Variants in CERKL observed in about 807,000 individuals in gnomAD.
CERKL encodes ceramide kinase-like protein.
Under a neutral mutation model 63.4 loss-of-function variants are expected in CERKL, and 61 were observed. The observed-to-expected ratio is 0.96, with a 90% confidence interval of 0.78 to 1.19. CERKL has a LOEUF of 1.19. Ranked by LOEUF, CERKL falls within the 50% of genes most tolerant of loss-of-function variation. CERKL has a pLI of 0.00. For synonymous variants in CERKL, 250 were observed against 230.5 expected (o/e 1.08, Z -0.77); for missense variants, 675 against 655.5 (o/e 1.03, Z -0.33).
At chr2:181,560,880 TAAC>T (rs1688410822) in intron 4 of CERKL, among the ~76,000 whole-genome samples, 2 of 152,180 alleles carry the variant, frequency 1.3e-5, no homozygotes, top group South Asian at 4.1e-4. Flanking sequence ...TTATTTATGT[TAAC>T]AACTATTCAA....
chr2:181,613,565 T>G (rs1032974318), intron 1 of CERKL, among the ~76,000 whole-genome samples: 1 of 152,288 alleles, frequency 6.6e-6, no homozygotes, highest in African/African-American at 2.4e-5. Flanking sequence ...TTGCCAATGT[T>G]ACAAGAAGAA....
intron 2 of CERKL, among the ~76,000 whole-genome samples, chr2:181,589,979 A>AT (rs57728937): frequency 1.2e-3 from 172 of 145,110 alleles, no homozygotes; most frequent in Non-Finnish European, 1.5e-3. Flanking sequence ...CACCCAGCTA[A>AT]TTTTTTTTTT....
intron 1 of CERKL, among the ~76,000 whole-genome samples, chr2:181,630,953 A>C (rs2105479030): frequency 6.6e-6 from 1 of 152,344 alleles, no homozygotes; most frequent in East Asian, 1.9e-4. Context: ...TGGGCACTGA[A>C]GAATATTTAA....
intron 2 of CERKL, among the ~76,000 whole-genome samples, chr2:181,592,548 C>T (rs1165512750): frequency 6.6e-6 from 1 of 152,140 alleles, no homozygotes; most frequent in Non-Finnish European, 1.5e-5. Context: ...AAGGATAGCA[C>T]AATCTGAATG....
At chr2:181,571,698 G>T (rs2105842839) in intron 3 of CERKL, among the ~76,000 whole-genome samples, 1 of 152,200 alleles carries the variant, frequency 6.6e-6, no homozygotes, top group East Asian at 1.9e-4. Flanking sequence ...AGCCTTCCTA[G>T]AAGTCATTTT....
At chr2:181,649,515 A>C (rs1215206709) in intron 1 of CERKL, 1 of 152,230 alleles carries the variant, frequency 6.6e-6, no homozygotes, top group African/African-American at 2.4e-5. Context: ...AAACACACAC[A>C]GAGAGATCAA....
intron 2 of CERKL, among the ~76,000 whole-genome samples, chr2:181,589,689 A>C (rs942303110): frequency 6.6e-6 from 1 of 152,228 alleles, no homozygotes; most frequent in African/African-American, 2.4e-5. Flanking sequence ...AGAGATCTAA[A>C]ATTCAACTAT....
chr2:181,567,464 CTA>C (rs746349663), intron 3 of CERKL, among the ~76,000 whole-genome samples: 42 of 151,846 alleles, frequency 2.8e-4, no homozygotes, highest in Non-Finnish European at 5.3e-4. Context: ...TTATTGAATG[CTA>C]TTTTTATTTT....
At position 181,547,610 on chromosome 2, in the gene CERKL, T is replaced by G; in HGVS notation, c.1268+8A>C. Reference sequence around the variant, plus strand: ...TGTATCAACAATTCAATAAAAATGCTTACTAACCTGGTATTAGGTGCCAAG... The same window carrying G: ...TGTATCAACAATTCAATAAAAATGCGTACTAACCTGGTATTAGGTGCCAAG... On this transcript the variant is annotated splice_region_variant and intron_variant, in intron 10 of 12. Transcript: ENST00000410087. 1.2e-6 allele frequency: 2 copies of G among 1,609,750 alleles called. No individual in the cohort carries two copies. The highest frequency in any genetic ancestry group is 1.7e-6 in the Non-Finnish European group (2 of 1,176,146).
intron 1 of CERKL, among the ~76,000 whole-genome samples, chr2:181,615,263 G>A (rs571303414): frequency 2.9e-4 from 44 of 152,280 alleles, no homozygotes; most frequent in Non-Finnish European, 4.4e-4. Flanking sequence ...AGAGCAAAGC[G>A]GGACCTGCTT....
In CERKL at chr2:181,656,835, T is replaced by G; in HGVS notation, c.172A>C (p.Ser58Arg). 6.2e-7 allele frequency: 1 copy of G among 1,604,342 alleles called. No individual in the cohort carries two copies. Among genetic ancestry groups the G allele is most frequent in the Non-Finnish European group, 8.5e-7 (1 of 1,173,570 alleles). ...LRGIFEIGRD[S>R]CDVVLSERAL... ...CGCTCGCTCAGCACCACGTCACAAC[T>G]GTCCCTCCCGATCTCGAAGATGCCC... Residue 58 changes from serine (S) to arginine (R), a missense_variant, in exon 1 of 13, where the codon AGT (serine) becomes CGT (arginine). Transcript: ENST00000410087.
intron 1 of CERKL, among the ~76,000 whole-genome samples, chr2:181,634,649 G>A (rs1434045285): frequency 1.3e-5 from 2 of 152,004 alleles, no homozygotes; most frequent in African/African-American, 4.8e-5. Flanking sequence ...CCTCTAACAT[G>A]GGTTTTCTGA....
In CERKL at chr2:181,550,558, ATAAG is replaced by A. The variant is rs1687938763; in HGVS notation, c.821-854_821-851del. Among the ~76,000 whole-genome samples, 1 of 152,302 alleles carries A rather than the reference ATAAG, an allele frequency of 6.6e-6. No homozygotes were observed. The highest frequency in any genetic ancestry group is 1.9e-4 in the East Asian group (1 of 5,186). On this transcript the variant is annotated intron_variant, in intron 5 of 12. Transcript: ENST00000410087. This position sits in a 1 kb window ranked among gnomAD's most constrained non-coding sequence, Gnocchi z 4.5. The stretch of plus-strand genomic sequence containing the variant: ...AATTTTTCTTGAATTAAAGAATATA[ATAAG>A]TAAGTCCAATAATAGCCAAGAGCTG...
In CERKL at chr2:181,536,907, GTGGAAAAACAATT is replaced by G. The variant is rs1156413195; in HGVS notation, c.*1264_*1276del. The G allele has an allele frequency of 2.2e-6, 1 of 453,486 alleles. No homozygotes were observed. Among genetic ancestry groups the G allele is most frequent in the South Asian group, 1.6e-5 (1 of 64,370 alleles). The allele number at this position is 453,486 out of a possible 1,614,324, so 28.1% of individuals were successfully genotyped here. On this transcript the variant is annotated 3_prime_UTR_variant, in exon 13 of 13. Transcript: ENST00000410087. Reference sequence around the variant, plus strand: ...GGGAGTGATCAAATTAGAAGGCAATGTGGAAAAACAATTCTGGGAAAGATTTCTTTATATGAAG... The same window carrying G: ...GGGAGTGATCAAATTAGAAGGCAATGCTGGGAAAGATTTCTTTATATGAAG...
chr2:181,589,087 G>GTAA (rs1426667387), intron 2 of CERKL, among the ~76,000 whole-genome samples: 1 of 152,090 alleles, frequency 6.6e-6, no homozygotes, highest in Non-Finnish European at 1.5e-5. Context: ...TGGGTTTGAT[G>GTAA]TAATCCAACG....
intron 2 of CERKL, among the ~76,000 whole-genome samples, chr2:181,593,495 A>T (rs1248444673): frequency 6.6e-6 from 1 of 152,002 alleles, no homozygotes; most frequent in African/African-American, 2.4e-5. Context: ...AAGATAGACA[A>T]TTCAGAAGTA....
chr2:181,612,196 A>C (rs973643439), intron 1 of CERKL, among the ~76,000 whole-genome samples: 2 of 152,210 alleles, frequency 1.3e-5, no homozygotes, highest in Non-Finnish European at 2.9e-5. Context: ...TTTTTACTAC[A>C]ACTCGTTAAC....
chr2:181,581,245 T>A (rs776603417), intron 2 of CERKL, among the ~76,000 whole-genome samples: 11 of 152,216 alleles, frequency 7.2e-5, no homozygotes, highest in Non-Finnish European at 1.2e-4. Context: ...GAAAGTATTG[T>A]TTCCTCACAC....
chr2:181,630,208 C>T (rs138438827), intron 1 of CERKL, among the ~76,000 whole-genome samples: 168 of 151,946 alleles, frequency 1.1e-3, no homozygotes, highest in African/African-American at 3.9e-3. Flanking sequence ...CAGCTAATTC[C>T]CCCACTCCCC....
Sources: gnomAD v4.1 joint callset for allele counts (sites outside exome capture counted in the v4.1 genomes callset) on GRCh38, gnomAD v4.1.1 for gene constraint, Gnocchi (gnomAD v3.1) non-coding constraint, MANE v1.5 for transcripts, NCBI Gene and HGNC (gene_info 2026-07-23, HGNC 2026-07-21) for gene names.